The following EP400 variants were observed in gnomAD, a reference collection of about 807,000 sequenced individuals.
EP400 encodes E1A binding protein p400, also known as E1A-binding protein p400.
Under a neutral mutation model 354.1 loss-of-function variants are expected in EP400, and 105 were observed. That is an observed-to-expected ratio of 0.30 (90% CI 0.25 to 0.35). The LOEUF is 0.35. Ranked by LOEUF, EP400 falls within the 10% of genes least tolerant of loss-of-function variation. The probability of loss-of-function intolerance (pLI) is 1.00; values close to 1 mark genes in which losing one functional copy is unlikely to be tolerated. For missense variants in EP400, 3,280 were observed against 4,121.0 expected (o/e 0.80, Z 5.59); for synonymous variants, 1,646 against 1,716.9 (o/e 0.96, Z 1.02).
intron 5 of EP400, 125 bp downstream of exon 5, chr12:131,982,603 AT>A: frequency 8.6e-7 from 1 of 1,164,368 alleles, no homozygotes; most frequent in Non-Finnish European, 1.2e-6. Context: ...TGCTCCCCCA[AT>A]TTAGAACAAT....
At chr12:131,963,655 G>C in intron 2 of EP400, 1 of 1,590,692 alleles carries the variant, frequency 6.3e-7, no homozygotes, top group Non-Finnish European at 8.5e-7. Flanking sequence ...ACTTTTCGAT[G>C]GTTCTCAAAT....
intron 47 of EP400, among the ~76,000 whole-genome samples, chr12:132,063,162 T>G (rs982690225): frequency 2.0e-5 from 3 of 152,222 alleles, no homozygotes; most frequent in Non-Finnish European, 4.4e-5. Flanking sequence ...ATGTACCTGA[T>G]TTTTGCTAAC....
intron 45 of EP400, among the ~76,000 whole-genome samples, chr12:132,057,184 A>C (rs1449233152): frequency 6.6e-6 from 1 of 152,244 alleles, no homozygotes; most frequent in Non-Finnish European, 1.5e-5. Context: ...GAGAAGTGAA[A>C]ACGCCAGAAC....
Position 132,025,882 on chromosome 12 carries a change from A to T in EP400, c.5014+78A>T, listed in dbSNP as rs568780828. ...CATCTAAGGCGAGTGGAAAGCATTCATGTGTCTTTGACTGTATCTCAGAAC... is the reference window on the plus strand; with the variant it reads ...CATCTAAGGCGAGTGGAAAGCATTCTTGTGTCTTTGACTGTATCTCAGAAC... On this transcript the variant is annotated intron_variant, in intron 25 of 52. Transcript: ENST00000389561. The surrounding 1 kb of genome is among the most constrained non-coding windows in gnomAD (Gnocchi z 4.1). The T allele has an allele frequency of 6.9e-7, 1 of 1,453,104 alleles. No homozygotes were observed. The highest frequency in any genetic ancestry group is 2.4e-5 in the East Asian group (1 of 41,736). 90.0% of individuals were successfully genotyped at this position (1,453,104 alleles called of 1,614,324 possible).
rs148100522 is a variant in EP400 at position 131,997,748 on chromosome 12, G to C, written c.2827+2792G>C. 3.7e-4 allele frequency among the ~76,000 whole-genome samples: 57 copies of C among 152,164 alleles called. 1 individual carries two copies. The highest frequency in any genetic ancestry group is 1.3e-3 in the African/African-American group (53 of 41,516). ...AGTAGGATGAGGAGGGAGTGGGGGAGGGGGAGGGGAAGGGGTTGGTCCTGC... is the reference window on the plus strand; with the variant it reads ...AGTAGGATGAGGAGGGAGTGGGGGACGGGGAGGGGAAGGGGTTGGTCCTGC... On this transcript the variant is annotated intron_variant, in intron 12 of 52. Transcript: ENST00000389561.
chr12:132,062,685 T>C lies in EP400; in HGVS notation c.8318T>C (p.Val2773Ala). 1 of 1,613,582 alleles carries C rather than the reference T, an allele frequency of 6.2e-7. No individual in the cohort carries two copies. The highest frequency in any genetic ancestry group is 1.3e-5 in the African/African-American group (1 of 74,988). Residue 2773 changes from valine to alanine, a missense_variant, in exon 47 of 53, where the codon GTG (valine) becomes GCG (alanine). By Grantham distance (64) the Val-to-Ala change is moderately conservative. This residue lies in a region of EP400 where 47 missense variants were observed against 55.6 expected (regional missense o/e 0.85). Transcript: ENST00000389561. The part of the protein sequence containing the change: ...QAQSPAQIKA[V>A]GKLTPEHLIK... ...CAGTCCCCAGCACAGATCAAAGCTG[T>C]GGGCAAGCTGACGCCGGTGAGCATT...
Position 131,982,369 on chromosome 12 carries a change from C to T in EP400, c.1820C>T (p.Pro607Leu), listed in dbSNP as rs112783026. ...QQPNVPIPAP[P>L]SSQLPIPPSQ... ...CCCAATGTTCCCATCCCTGCACCGCCCAGCAGCCAACTCCCCATCCCTCCC... is the reference window on the plus strand; with the variant it reads ...CCCAATGTTCCCATCCCTGCACCGCTCAGCAGCCAACTCCCCATCCCTCCC... Residue 607 changes from proline (P) to leucine (L), a missense_variant, in exon 5 of 53, where the codon CCC (proline) becomes CTC (leucine). Physicochemically the swap from Pro to Leu is moderately conservative, Grantham distance 98 (BLOSUM62 -3). Transcript: ENST00000389561. 3.1e-6 allele frequency: 5 copies of T among 1,614,092 alleles called. No homozygotes were observed. In the African/African-American group the frequency reaches 6.7e-5, roughly 22 times the overall value.
chr12:132,026,785 C>T (rs1054400520), intron 25 of EP400, among the ~76,000 whole-genome samples: 4 of 152,202 alleles, frequency 2.6e-5, no homozygotes, highest in Admixed American at 2.0e-4. Context: ...TCAGCCTCTC[C>T]TCTTGTTTTT....
At position 132,015,862 on chromosome 12, in the gene EP400, C is replaced by T. The variant is rs1285814275; in HGVS notation, c.3924-1673C>T. Among the ~76,000 whole-genome samples the T allele has an allele frequency of 9.2e-5, 14 of 152,200 alleles. No individual in the cohort carries two copies. The East Asian group carries it at 2.3e-3, about 25-fold the overall frequency. The stretch of plus-strand genomic sequence containing the variant: ...ACGGGATCCTTGGGTGGCCCAGGAG[C>T]GTCCTGTCCTGGTCAGCTCCCCCCT... On this transcript the variant is annotated intron_variant, in intron 19 of 52. Coordinates refer to ENST00000389561, the MANE Select transcript of EP400 (RefSeq NM_015409.5).
chr12:132,065,275 T>C (rs1895852585), intron 48 of EP400: 1 of 246,924 alleles, frequency 4.0e-6, no homozygotes, highest in African/African-American at 2.2e-5. Flanking sequence ...TCTCTGAAGC[T>C]GCTCTCAGGT....
intron 19 of EP400, among the ~76,000 whole-genome samples, chr12:132,016,008 C>T (rs887477620): frequency 6.6e-6 from 1 of 152,196 alleles, no homozygotes; most frequent in Non-Finnish European, 1.5e-5. Flanking sequence ...GTGCTTGTGC[C>T]GGCCTCTCCT....
At chr12:131,978,557 C>T (rs1351553840) in intron 2 of EP400, among the ~76,000 whole-genome samples, 2 of 151,924 alleles carry the variant, frequency 1.3e-5, no homozygotes, top group African/African-American at 2.4e-5. Context: ...ACTTTGTTGC[C>T]CAGGCTGGAA....
In EP400 at chr12:131,961,116, C is replaced by A; in HGVS notation, c.497C>A (p.Pro166His). ...GPGLGLCSSS[P>H]TGGFVDASVL... ...GGGCTGGGCCTCTGCAGCAGCAGCC[C>A]TACAGGGGGCTTCGTGGATGCCAGC... The change falls in exon 2 of 53, where the codon CCT becomes CAT. Residue 166 changes from proline (P) to histidine (H), a missense_variant. Pro to His is a moderately conservative substitution (Grantham distance 77). This residue lies in a region of EP400 where 172 missense variants were observed against 242.9 expected (regional missense o/e 0.71). Transcript: ENST00000389561. The A allele has an allele frequency of 6.2e-7, 1 of 1,611,710 alleles. No homozygotes were observed. Among genetic ancestry groups the A allele is most frequent in the South Asian group, 1.1e-5 (1 of 90,684 alleles).
intron 30 of EP400, among the ~76,000 whole-genome samples, chr12:132,034,368 T>C (rs1894621996): frequency 6.6e-6 from 1 of 152,210 alleles, no homozygotes; most frequent in South Asian, 2.1e-4. Flanking sequence ...CTCGAGTGGG[T>C]AGACTTCATT....
At chr12:132,022,626 T>G (rs928842014) in intron 23 of EP400, among the ~76,000 whole-genome samples, 2 of 151,682 alleles carry the variant, frequency 1.3e-5, no homozygotes, top group Admixed American at 1.3e-4. Flanking sequence ...TTATGTTTTT[T>G]CAAAAAAAGT....
intron 12 of EP400, among the ~76,000 whole-genome samples, chr12:132,002,580 A>G (rs979045851): frequency 2.0e-5 from 3 of 152,238 alleles, no homozygotes; most frequent in African/African-American, 7.2e-5. Flanking sequence ...AGGCTGGTTC[A>G]TTCTGCCAGC....
Position 131,982,478 on chromosome 12 carries a change from G to A in EP400, c.1929G>A (p.Gln643=), listed in dbSNP as rs751772198. 7 of 1,597,866 alleles carry A rather than the reference G, an allele frequency of 4.4e-6. No individual in the cohort carries two copies. In the East Asian group the frequency reaches 1.3e-4, roughly 31 times the overall value. Residue 643 remains glutamine (Q), a splice_region_variant and synonymous_variant, in exon 5 of 53, where the codon CAG becomes CAA. Transcript: ENST00000389561. ...CCTCTCAGCTTTCCTCCCTGCCACA[G>A]GTATGAGAAAAGATAGAGGAAAAAA... ...VQASQLSSLP[Q]MVASTRLPVD... is the part of the protein sequence containing the mutation.
chr12:132,066,518 T>A (rs942317095), intron 48 of EP400: 1 of 468,236 alleles, frequency 2.1e-6, no homozygotes, highest in African/African-American at 2.1e-5. Context: ...TCCCGTGAGA[T>A]CACTGACATC....
Position 131,961,754 on chromosome 12 carries a change from C to T in EP400, c.1135C>T (p.Leu379=). 1.2e-6 allele frequency: 2 copies of T among 1,614,260 alleles called. No homozygotes were observed. Among genetic ancestry groups the T allele is most frequent in the Non-Finnish European group, 1.7e-6 (2 of 1,180,054 alleles). The stretch of plus-strand genomic sequence containing the variant: ...CTATCATTACCAGGAGATGCAGGCT[C>T]TGAAGGAGGTCTTCAAGGAGTATTT... The part of the protein sequence containing the change: ...LDYHYQEMQA[L]KEVFKEYLIE... The change falls in exon 2 of 53, where the codon CTG becomes TTG. Residue 379 remains leucine (L), a synonymous_variant. Coordinates refer to ENST00000389561, the MANE Select transcript of EP400 (RefSeq NM_015409.5).
Sources: gnomAD v4.1 joint callset for allele counts (sites outside exome capture counted in the v4.1 genomes callset) on GRCh38, gnomAD v4.1.1 for gene constraint, gnomAD v4.1.1 regional missense constraint, Gnocchi (gnomAD v3.1) non-coding constraint, MANE v1.5 for transcripts, NCBI Gene and HGNC (gene_info 2026-07-23, HGNC 2026-07-21) for gene names.